EXOC2: variants seen among roughly 807,000 people sequenced by gnomAD.
EXOC2 encodes the protein exocyst complex component 2.
A neutral mutation model predicts 131.8 loss-of-function variants in EXOC2; 70 were observed. The ratio of observed to expected loss-of-function variants is 0.53; its 90% CI spans 0.44 to 0.65. EXOC2 has a LOEUF of 0.65. Ranked by LOEUF, EXOC2 falls within the 30% of genes least tolerant of loss-of-function variation. The pLI, the probability that EXOC2 is intolerant of heterozygous loss-of-function variation, is 0.00. For missense variants in EXOC2, 923 were observed against 1,108.6 expected, an observed-to-expected ratio of 0.83 and a Z score of 2.38; for synonymous variants, 411 against 398.4, an observed-to-expected ratio of 1.03 and a Z score of -0.38.
intron 11 of EXOC2, among the ~76,000 whole-genome samples, chr6:590,889 AC>A (rs923950821): frequency 3.9e-5 from 6 of 152,116 alleles, no homozygotes; most frequent in Admixed American, 2.6e-4. Flanking sequence ...TCTAGATCCA[AC>A]TACTTCCATC....
At position 572,614 on chromosome 6, in the gene EXOC2, G is replaced by T. The variant is rs1388484095; in HGVS notation, c.1349C>A (p.Ala450Asp). 1.2e-6 allele frequency: 2 copies of T among 1,614,076 alleles called. No individual in the cohort carries two copies. The highest frequency in any genetic ancestry group is 1.1e-5 in the South Asian group (1 of 91,058). The change falls in exon 13 of 28, where the codon GCC becomes GAC. Residue 450 changes from alanine (A) to aspartate (D), a missense_variant. By Grantham distance (126) the Ala-to-Asp change is moderately radical (BLOSUM62 -2). Coordinates refer to ENST00000230449, the MANE Select transcript of EXOC2 (RefSeq NM_018303.6). The stretch of plus-strand genomic sequence containing the variant: ...GAGTTTTGTCAATTTTTCAACAAAG[G>T]CCACCCTGTGGGGAGTTTTGTATCT... The part of the protein sequence containing the change: ...TWRYKTPHRV[A>D]FVEKLTKLVL...
intron 12 of EXOC2, among the ~76,000 whole-genome samples, chr6:575,045 C>T (rs575633785): frequency 6.6e-6 from 1 of 152,360 alleles, no homozygotes; most frequent in African/African-American, 2.4e-5. Flanking sequence ...TGTTTTGTCC[C>T]CACCAAATCT....
intron 7 of EXOC2, among the ~76,000 whole-genome samples, chr6:605,875 G>A (rs371858776): frequency 2.2e-4 from 33 of 152,192 alleles, no homozygotes; most frequent in African/African-American, 7.2e-4. Context: ...TGCTTTAAAT[G>A]TGTCCCAGAG....
chr6:537,468 C>A (rs560708360), intron 22 of EXOC2, among the ~76,000 whole-genome samples: 1 of 151,104 alleles, frequency 6.6e-6, no homozygotes, highest in Admixed American at 6.6e-5. Flanking sequence ...TGATGGCCGA[C>A]GGAGCGTACA....
At chr6:569,941 A>C (rs1445430097) in intron 13 of EXOC2, among the ~76,000 whole-genome samples, 2 of 152,184 alleles carry the variant, frequency 1.3e-5, no homozygotes, top group African/African-American at 4.8e-5. Context: ...AAAGCAAAAC[A>C]TACTCCCTTT....
chr6:595,311 C>T (rs1240985935), intron 10 of EXOC2, among the ~76,000 whole-genome samples: 3 of 152,034 alleles, frequency 2.0e-5, no homozygotes, highest in African/African-American at 7.3e-5. Flanking sequence ...TCTATTCCTA[C>T]TTGATGCTCA....
chr6:635,647 G>A (rs1191748634), intron 2 of EXOC2, among the ~76,000 whole-genome samples: 2 of 152,158 alleles, frequency 1.3e-5, no homozygotes, highest in Admixed American at 1.3e-4. Context: ...TGCTTGGCTA[G>A]TGTAGATATC....
intron 13 of EXOC2, among the ~76,000 whole-genome samples, chr6:568,798 A>G (rs1758115942): frequency 6.6e-6 from 1 of 152,244 alleles, no homozygotes; most frequent in Non-Finnish European, 1.5e-5. Context: ...TTTAAATCAA[A>G]GAAAAGCGTG....
rs1561908461 is a variant in EXOC2 at position 599,113 on chromosome 6, G to A, written c.855C>T (p.Asn285=). ...NVLQRFKFLF[N]LPLNIERNIQ... is the part of the protein sequence containing the mutation. ...TATTCCTTTCAATATTTAGAGGAAG[G>A]TTGAAAAGAAACTTAAATCGCTGAA... is the stretch of plus-strand genomic sequence containing the variant. The change falls in exon 8 of 28, where the codon AAC becomes AAT. Residue 285 remains asparagine (N), a synonymous_variant. Transcript: ENST00000230449. 3 of 1,612,730 alleles carry A rather than the reference G, an allele frequency of 1.9e-6. No homozygotes were observed. The highest frequency in any genetic ancestry group is 2.5e-6 in the Non-Finnish European group (3 of 1,179,202).
At chr6:581,797 C>G (rs757884417) in intron 11 of EXOC2, among the ~76,000 whole-genome samples, 1 of 152,016 alleles carries the variant, frequency 6.6e-6, no homozygotes, top group Non-Finnish European at 1.5e-5. Context: ...TTTTTAACTA[C>G]TGGAAGTCAA....
chr6:567,512 G>A (rs1358329991), intron 13 of EXOC2, among the ~76,000 whole-genome samples: 2 of 152,152 alleles, frequency 1.3e-5, no homozygotes, highest in East Asian at 3.8e-4. Context: ...TCTAGAAGAG[G>A]AAAGGTCATG....
intron 3 of EXOC2, among the ~76,000 whole-genome samples, chr6:631,383 CA>C (rs200986390): frequency 7.2e-5 from 11 of 151,964 alleles, no homozygotes; most frequent in Non-Finnish European, 1.5e-4. Flanking sequence ...ACTAAAAATA[CA>C]AAAATTAGCT....
intron 9 of EXOC2, 73 bp downstream of exon 9, chr6:598,787 C>T: frequency 8.0e-7 from 1 of 1,247,340 alleles, no homozygotes; most frequent in Non-Finnish European, 1.1e-6. Context: ...ATATAACATT[C>T]TTTGCAGAAC....
intron 12 of EXOC2, among the ~76,000 whole-genome samples, chr6:573,387 C>T (rs1393302898): frequency 6.6e-6 from 1 of 152,154 alleles, no homozygotes; most frequent in Non-Finnish European, 1.5e-5. Flanking sequence ...CATGCCTTCG[C>T]CCTGCTGCCT....
intron 1 of EXOC2, among the ~76,000 whole-genome samples, chr6:663,106 C>A (rs1763493155): frequency 6.6e-6 from 1 of 152,016 alleles, no homozygotes; most frequent in African/African-American, 2.4e-5. Flanking sequence ...AGAAATGCAA[C>A]AGGAGATATT....
At chr6:656,648 G>C in intron 1 of EXOC2, 1 of 1,607,366 alleles carries the variant, frequency 6.2e-7, no homozygotes, top group Non-Finnish European at 8.5e-7. Context: ...GCAGCTTCAG[G>C]GAGGACGCGC....
Position 485,172 on chromosome 6 carries a change from T to C in EXOC2, c.*1499A>G, listed in dbSNP as rs964939456. Reference sequence around the variant, plus strand: ...ACTTACATTAAAGGCAGATTCTTTATTGGCTGAATGTGCTGTAGTAGATAT... The same window carrying C: ...ACTTACATTAAAGGCAGATTCTTTACTGGCTGAATGTGCTGTAGTAGATAT... On this transcript the variant is annotated 3_prime_UTR_variant, in exon 28 of 28. Coordinates refer to ENST00000230449, the MANE Select transcript of EXOC2 (RefSeq NM_018303.6). 1 of 152,250 alleles carries C rather than the reference T, an allele frequency of 6.6e-6. No homozygotes were observed. The highest frequency in any genetic ancestry group is 6.5e-5 in the Admixed American group (1 of 15,284). 9.4% of individuals were successfully genotyped at this position (152,250 alleles called of 1,614,324 possible).
At chr6:582,389 T>C (rs923983078) in intron 11 of EXOC2, among the ~76,000 whole-genome samples, 2 of 152,176 alleles carry the variant, frequency 1.3e-5, no homozygotes, top group Non-Finnish European at 2.9e-5. Context: ...CAGTCTACAA[T>C]AGTGTAGGGA....
intron 23 of EXOC2, among the ~76,000 whole-genome samples, chr6:505,352 G>T (rs992170833): frequency 2.0e-5 from 3 of 152,134 alleles, no homozygotes; most frequent in Non-Finnish European, 4.4e-5. Context: ...CTTCTGTGGC[G>T]ACATCTGAGC....
Sources: gnomAD v4.1 joint callset for allele counts (sites outside exome capture counted in the v4.1 genomes callset) on GRCh38, gnomAD v4.1.1 for gene constraint, MANE v1.5 for transcripts, NCBI Gene and HGNC (gene_info 2026-07-23, HGNC 2026-07-21) for gene names.